Variants in INPP4B observed in about 807,000 individuals in gnomAD.
INPP4B encodes inositol polyphosphate-4-phosphatase type II B, also known as inositol polyphosphate 4-phosphatase type II.
INPP4B carries 55 observed loss-of-function variants against 122.5 expected under a neutral mutation model. That is an observed-to-expected ratio of 0.45 (90% CI 0.36 to 0.56). INPP4B has a LOEUF of 0.56. Ranked by LOEUF, INPP4B falls within the 20% of genes least tolerant of loss-of-function variation. The pLI, the probability that INPP4B is intolerant of heterozygous loss-of-function variation, is 0.00. For synonymous variants in INPP4B, 403 were observed against 388.7 expected (o/e 1.04, Z -0.43); for missense variants, 1,000 against 1,097.7 (o/e 0.91, Z 1.26).
rs576395769 is a variant in INPP4B at position 142,415,482 on chromosome 4, T to A, written c.137-10158A>T. On this transcript the variant is annotated intron_variant, in intron 5 of 25. Transcript: ENST00000262992. ...CATCTCACACCAGTTAGAATGGCGA[T>A]CATTAAAAAGTCAGGAAACAACAGG... 1.9e-3 allele frequency among the ~76,000 whole-genome samples: 290 copies of A among 152,114 alleles called. 2 individuals are homozygous for A. The highest frequency in any genetic ancestry group is 6.3e-3 in the African/African-American group (263 of 41,508).
At chr4:142,167,426 T>A (rs1425169059) in intron 16 of INPP4B, among the ~76,000 whole-genome samples, 1 of 151,680 alleles carries the variant, frequency 6.6e-6, no homozygotes, top group Non-Finnish European at 1.5e-5. Context: ...AGTATCAGGA[T>A]AAATAGCTAA....
chr4:142,288,770 A>G (rs544608831), intron 9 of INPP4B, among the ~76,000 whole-genome samples: 8 of 152,150 alleles, frequency 5.3e-5, no homozygotes, highest in Non-Finnish European at 8.8e-5. Flanking sequence ...CAACACCTCT[A>G]AACTTATTTT....
chr4:142,287,996 C>G (rs557885671), intron 9 of INPP4B, among the ~76,000 whole-genome samples: 3 of 152,254 alleles, frequency 2.0e-5, no homozygotes, highest in African/African-American at 7.2e-5. Context: ...AGTAAGCTCT[C>G]AGGTATCCCT....
At chr4:142,732,117 G>A (rs934841536) in intron 1 of INPP4B, among the ~76,000 whole-genome samples, 7 of 151,994 alleles carry the variant, frequency 4.6e-5, no homozygotes, top group Admixed American at 2.0e-4. Context: ...AGATAAAAAA[G>A]AACTTAAACT....
chr4:142,500,224 T>C (rs1823193295), intron 2 of INPP4B, among the ~76,000 whole-genome samples: 1 of 152,180 alleles, frequency 6.6e-6, no homozygotes, highest in Non-Finnish European at 1.5e-5. Flanking sequence ...AACTTGGCAC[T>C]TAAATCCTAT....
chr4:142,598,623 A>C (rs1034992838), intron 2 of INPP4B, among the ~76,000 whole-genome samples: 1 of 152,142 alleles, frequency 6.6e-6, no homozygotes, highest in Non-Finnish European at 1.5e-5. Context: ...GTAAATGCCC[A>C]AAATTGCAGC....
chr4:142,358,696 C>A (rs1784430355), intron 7 of INPP4B, among the ~76,000 whole-genome samples: 1 of 150,130 alleles, frequency 6.7e-6, no homozygotes, highest in African/African-American at 2.4e-5. Context: ...CAGCATGCAG[C>A]CAAGGTTGAG....
chr4:142,368,418 A>T (rs1453084858), intron 7 of INPP4B, among the ~76,000 whole-genome samples: 2 of 152,148 alleles, frequency 1.3e-5, no homozygotes, highest in Non-Finnish European at 2.9e-5. Flanking sequence ...TCCCTCAGTC[A>T]TTAAATATTA....
At chr4:142,381,420 C>T (rs1368789712) in intron 7 of INPP4B, among the ~76,000 whole-genome samples, 2 of 152,000 alleles carry the variant, frequency 1.3e-5, no homozygotes, top group African/African-American at 4.8e-5. Context: ...AAATCCTTTG[C>T]TCCATTTTTG....
At chr4:142,345,235 A>T (rs2151743206) in intron 7 of INPP4B, among the ~76,000 whole-genome samples, 1 of 152,200 alleles carries the variant, frequency 6.6e-6, no homozygotes, top group Admixed American at 6.6e-5. Context: ...AAGACATTAT[A>T]TAGCAGCAGA....
chr4:142,157,191 T>C (rs1443461242), intron 17 of INPP4B, among the ~76,000 whole-genome samples: 1 of 152,158 alleles, frequency 6.6e-6, no homozygotes, highest in Non-Finnish European at 1.5e-5. Flanking sequence ...GCATCTTCAA[T>C]TAGCTACATT....
At chr4:142,151,338 A>T (rs1157359755) in intron 17 of INPP4B, among the ~76,000 whole-genome samples, 1 of 152,130 alleles carries the variant, frequency 6.6e-6, no homozygotes, top group Non-Finnish European at 1.5e-5. Context: ...TTCACTAAAA[A>T]TAGCCAGACA....
chr4:142,633,760 C>A (rs1016628819), intron 2 of INPP4B, among the ~76,000 whole-genome samples: 30 of 151,718 alleles, frequency 2.0e-4, no homozygotes, highest in African/African-American at 7.3e-4. Flanking sequence ...GGTAAAATGA[C>A]ACAAAATTGA....
chr4:142,790,175 C>A (rs1272352648), intron 1 of INPP4B, among the ~76,000 whole-genome samples: 2 of 152,012 alleles, frequency 1.3e-5, no homozygotes, highest in Non-Finnish European at 2.9e-5. Context: ...GCTTAGGCAA[C>A]AATTTCATGA....
At chr4:142,184,457 A>C (rs1268986482) in intron 15 of INPP4B, among the ~76,000 whole-genome samples, 1 of 152,108 alleles carries the variant, frequency 6.6e-6, no homozygotes. Context: ...AATTCCACAA[A>C]AAGTCTCTGT....
intron 3 of INPP4B, among the ~76,000 whole-genome samples, chr4:142,434,303 C>G (rs549722190): frequency 6.6e-6 from 1 of 152,194 alleles, no homozygotes; most frequent in African/African-American, 2.4e-5. Context: ...TGAGGGAGAC[C>G]AAGTCAGGGT....
At chr4:142,370,538 T>C (rs1789489360) in intron 7 of INPP4B, among the ~76,000 whole-genome samples, 1 of 152,068 alleles carries the variant, frequency 6.6e-6, no homozygotes, top group Non-Finnish European at 1.5e-5. Flanking sequence ...TGATATTATA[T>C]ATAGAAATAC....
chr4:142,422,358 T>A (rs1360511398), intron 5 of INPP4B, among the ~76,000 whole-genome samples: 1 of 152,108 alleles, frequency 6.6e-6, no homozygotes, highest in Non-Finnish European at 1.5e-5. Context: ...CATGACATGC[T>A]GTTTGTAAAG....
chr4:142,268,348 G>GAAAAAAAAAAAAAAAAAAAAAAAAA (rs1383781390), intron 10 of INPP4B, among the ~76,000 whole-genome samples: 24 of 26,800 alleles, frequency 9.0e-4, no homozygotes, highest in Non-Finnish European at 2.1e-3. Flanking sequence ...AAAAAAAAAT[G>GAAAAAAAAAAAAAAAAAAAAAAAAA]AGGGGTAAGT....
Sources: gnomAD v4.1 joint callset for allele counts (sites outside exome capture counted in the v4.1 genomes callset) on GRCh38, gnomAD v4.1.1 for gene constraint, MANE v1.5 for transcripts, NCBI Gene and HGNC (gene_info 2026-07-23, HGNC 2026-07-21) for gene names.